NELL2: variants seen among roughly 807,000 people sequenced by gnomAD.
NELL2 encodes neural EGFL like 2.
A neutral mutation model predicts 109.6 loss-of-function variants in NELL2; 41 were observed. The ratio of observed to expected loss-of-function variants is 0.37; its 90% CI spans 0.29 to 0.49. The LOEUF is 0.49. NELL2 is among the 20% of genes least tolerant of loss of function. The pLI, the probability that NELL2 is intolerant of heterozygous loss-of-function variation, is 0.98. For synonymous variants in NELL2, 355 were observed against 344.7 expected (o/e 1.03, Z -0.33); for missense variants, 900 against 1,008.3 (o/e 0.89, Z 1.45).
chr12:44,548,459 C>G (rs764331207), intron 15 of NELL2, among the ~76,000 whole-genome samples: 2 of 151,492 alleles, frequency 1.3e-5, no homozygotes, highest in Non-Finnish European at 2.9e-5. Context: ...TCAGGAGAAT[C>G]GCTTGAACCT....
At chr12:44,768,569 A>G (rs1485071991) in intron 9 of NELL2, among the ~76,000 whole-genome samples, 1 of 152,174 alleles carries the variant, frequency 6.6e-6, no homozygotes, top group Non-Finnish European at 1.5e-5. Context: ...AATTAAAGTA[A>G]TTTTAGTGAG....
intron 13 of NELL2, among the ~76,000 whole-genome samples, chr12:44,622,329 A>G (rs549321108): frequency 1.3e-5 from 2 of 152,204 alleles, no homozygotes; most frequent in South Asian, 4.1e-4. Flanking sequence ...CTGCCCCTAA[A>G]TTTGGCAAGA....
chr12:44,723,344 A>C (rs1279168972), intron 9 of NELL2, among the ~76,000 whole-genome samples: 2 of 152,204 alleles, frequency 1.3e-5, no homozygotes, highest in Non-Finnish European at 2.9e-5. Context: ...CGAAGAGAAA[A>C]ATAAAATTAA....
intron 3 of NELL2, among the ~76,000 whole-genome samples, chr12:44,796,423 G>A (rs1346851703): frequency 1.3e-5 from 2 of 151,970 alleles, no homozygotes; most frequent in African/African-American, 4.8e-5. Flanking sequence ...AGAACTTCCT[G>A]ACACAGACCA....
intron 9 of NELL2, among the ~76,000 whole-genome samples, chr12:44,742,727 T>C (rs1407965227): frequency 1.3e-5 from 2 of 151,750 alleles, no homozygotes; most frequent in African/African-American, 4.8e-5. Flanking sequence ...ATGAATGAAA[T>C]GAAGCGAGAA....
chr12:44,531,393 T>C (rs932770628), intron 16 of NELL2, among the ~76,000 whole-genome samples: 7 of 152,224 alleles, frequency 4.6e-5, no homozygotes, highest in Non-Finnish European at 1.0e-4. Flanking sequence ...TAATCTGTGG[T>C]TCCTGGCATT....
upstream of NELL2, chr12:44,876,639 GGA>G (rs1566582354): frequency 6.4e-7 from 1 of 1,551,418 alleles, no homozygotes; most frequent in Admixed American, 2.0e-5. Flanking sequence ...TTGAAAGACA[GGA>G]GAGAAAAAAG....
intron 2 of NELL2, among the ~76,000 whole-genome samples, chr12:44,856,670 G>A (rs1332691494): frequency 1.3e-5 from 2 of 152,144 alleles, no homozygotes; most frequent in South Asian, 2.1e-4. Context: ...TGCCACTGGC[G>A]TTAAAGCAAA....
At chr12:44,720,855 C>T (rs1002179637) in intron 9 of NELL2, among the ~76,000 whole-genome samples, 1 of 152,114 alleles carries the variant, frequency 6.6e-6, no homozygotes, top group African/African-American at 2.4e-5. Flanking sequence ...TTTATATACA[C>T]CATGTCCTTG....
chr12:44,529,368 T>C (rs1039319559), intron 16 of NELL2, among the ~76,000 whole-genome samples: 5 of 152,152 alleles, frequency 3.3e-5, no homozygotes, highest in Non-Finnish European at 5.9e-5. Flanking sequence ...AGAAAGTAAA[T>C]GAAAAGTTCT....
chr12:44,846,222 T>A (rs1051346363), intron 2 of NELL2, among the ~76,000 whole-genome samples: 1 of 152,194 alleles, frequency 6.6e-6, no homozygotes, highest in Admixed American at 6.5e-5. Flanking sequence ...CAAGTGTATA[T>A]TTAGAGATTA....
chr12:44,595,140 C>T (rs1352130955), intron 15 of NELL2, among the ~76,000 whole-genome samples: 1 of 152,144 alleles, frequency 6.6e-6, no homozygotes, highest in Admixed American at 6.5e-5. Flanking sequence ...AAAAGAAACA[C>T]AAGCAACTGT....
At chr12:44,699,867 C>G (rs1942374759) in intron 12 of NELL2, among the ~76,000 whole-genome samples, 1 of 152,156 alleles carries the variant, frequency 6.6e-6, no homozygotes, top group African/African-American at 2.4e-5. Flanking sequence ...CTATCGCCAT[C>G]ACCAAATAAT....
At chr12:44,551,055 G>C (rs1943028482) in intron 15 of NELL2, among the ~76,000 whole-genome samples, 1 of 152,080 alleles carries the variant, frequency 6.6e-6, no homozygotes, top group Non-Finnish European at 1.5e-5. Flanking sequence ...ATTGTAATGA[G>C]GCAAAAGAAA....
chr12:44,829,997 G>C (rs1292513809), intron 2 of NELL2, among the ~76,000 whole-genome samples: 1 of 152,016 alleles, frequency 6.6e-6, no homozygotes, highest in Admixed American at 6.6e-5. Flanking sequence ...CAAAAAACTG[G>C]TTATTATTCT....
At chr12:44,594,945 G>C (rs182740639) in intron 15 of NELL2, among the ~76,000 whole-genome samples, 1 of 152,236 alleles carries the variant, frequency 6.6e-6, no homozygotes, top group Admixed American at 6.5e-5. Context: ...ATCATTCACT[G>C]AGTAAAAGTT....
chr12:44,585,497 G>T (rs2136216780), intron 15 of NELL2, among the ~76,000 whole-genome samples: 2 of 152,100 alleles, frequency 1.3e-5, no homozygotes, highest in Middle Eastern at 6.8e-3. Context: ...AGCTACTCAG[G>T]AGGCTGAGGC....
In NELL2 at chr12:44,811,754, G is replaced by A. The variant is rs527275174; in HGVS notation, c.335+4232C>T. Among the ~76,000 whole-genome samples the A allele has an allele frequency of 1.1e-4, 16 of 152,206 alleles. No individual in the cohort carries two copies. The East Asian group carries it at 2.1e-3, about 20-fold the overall frequency. On this transcript the variant is annotated intron_variant, in intron 3 of 19. Transcript: ENST00000429094. ...GGAGATAACACTGGAGTCAGGAACAGACATAAGGAAGAGAGAGCCAGTCTC... is the reference window on the plus strand; with the variant it reads ...GGAGATAACACTGGAGTCAGGAACAAACATAAGGAAGAGAGAGCCAGTCTC...
intron 9 of NELL2, among the ~76,000 whole-genome samples, chr12:44,752,544 T>C (rs1421865525): frequency 1.3e-5 from 2 of 152,214 alleles, no homozygotes; most frequent in Non-Finnish European, 2.9e-5. Context: ...ACCACCTCAC[T>C]ACAGCTTTTG....
Sources: allele counts gnomAD v4.1 joint callset (sites outside exome capture counted in the v4.1 genomes callset), GRCh38; gene constraint gnomAD v4.1.1; transcripts MANE v1.5; gene names NCBI Gene and HGNC (gene_info 2026-07-23, HGNC 2026-07-21).